Variants in PLPPR5 observed in about 807,000 individuals in gnomAD.
The protein encoded by PLPPR5 is phospholipid phosphatase related 5.
PLPPR5 carries 16 observed loss-of-function variants against 33.9 expected under a neutral mutation model. The ratio of observed to expected loss-of-function variants is 0.47; its 90% CI spans 0.32 to 0.72. The LOEUF is 0.72. PLPPR5 is among the 30% of genes least tolerant of loss of function. The pLI is 0.03. For missense variants in PLPPR5, 301 were observed against 406.7 expected (o/e 0.74, Z 2.23); for synonymous variants, 163 against 150.3 (o/e 1.08, Z -0.62).
At chr1:98,910,480 T>C (rs1195442662) in intron 5 of PLPPR5, among the ~76,000 whole-genome samples, 1 of 152,214 alleles carries the variant, frequency 6.6e-6, no homozygotes, top group Non-Finnish European at 1.5e-5. Context: ...TAAGTTTCTA[T>C]GGCATATTTC....
chr1:98,936,749 C>G (rs989633605), intron 3 of PLPPR5, among the ~76,000 whole-genome samples: 2 of 152,176 alleles, frequency 1.3e-5, no homozygotes, highest in Non-Finnish European at 2.9e-5. Context: ...TCAGAACAAT[C>G]GATCCTATGC....
Position 98,956,741 on chromosome 1 carries a change from T to C in PLPPR5, c.238A>G (p.Ile80Val), listed in dbSNP as rs1464786821. The change falls in exon 2 of 6, where the codon ATA becomes GTA. Residue 80 changes from isoleucine (I) to valine (V), a missense_variant and splice_region_variant. Coordinates refer to ENST00000263177, the MANE Select transcript of PLPPR5 (RefSeq NM_001037317.2). Reference sequence around the variant, plus strand: ...AAGACAGCAGTTTCTCCAACTATTATCTTGAAAGAAAATAAAAGATTAAGG... The same window carrying C: ...AAGACAGCAGTTTCTCCAACTATTACCTTGAAAGAAAATAAAAGATTAAGG... ...SLAAGVPVLV[I>V]IVGETAVFCL... 1 of 1,548,290 alleles carries C rather than the reference T, an allele frequency of 6.5e-7. No homozygotes were observed. The highest frequency in any genetic ancestry group is 2.3e-5 in the East Asian group (1 of 43,326).
At chr1:98,991,561 G>A (rs528298523) in intron 1 of PLPPR5, among the ~76,000 whole-genome samples, 4 of 152,168 alleles carry the variant, frequency 2.6e-5, no homozygotes, top group Admixed American at 6.6e-5. Context: ...AAGGGCTCAT[G>A]TCCATGTTAT....
chr1:98,895,299 CA>C (rs1648432193), intron 5 of PLPPR5, among the ~76,000 whole-genome samples: 1 of 151,980 alleles, frequency 6.6e-6, no homozygotes, highest in Admixed American at 6.6e-5. Context: ...TGTTATGGTG[CA>C]GCAAGAAGGC....
chr1:99,002,526 A>G (rs568553261), intron 1 of PLPPR5, among the ~76,000 whole-genome samples: 50 of 152,234 alleles, frequency 3.3e-4, no homozygotes, highest in African/African-American at 1.2e-3. Context: ...TATTAATTGG[A>G]GATAATATCT....
intron 1 of PLPPR5, among the ~76,000 whole-genome samples, chr1:98,957,402 A>C (rs1317018719): frequency 6.6e-6 from 1 of 151,822 alleles, no homozygotes; most frequent in Non-Finnish European, 1.5e-5. Flanking sequence ...TGTTTCCTAA[A>C]AGTCTTAATT....
At chr1:98,970,911 AG>A (rs1651634417) in intron 1 of PLPPR5, among the ~76,000 whole-genome samples, 1 of 152,132 alleles carries the variant, frequency 6.6e-6, no homozygotes, top group South Asian at 2.1e-4. Context: ...TATTTTAGGA[AG>A]AAAAGTTAAA....
At chr1:98,970,609 G>A (rs944660922) in intron 1 of PLPPR5, among the ~76,000 whole-genome samples, 2 of 151,710 alleles carry the variant, frequency 1.3e-5, no homozygotes. Context: ...AAGTACTGTT[G>A]TAAACATCTT....
chr1:98,922,002 T>C lies in PLPPR5; in HGVS notation c.678A>G (p.Leu226=), dbSNP rs1019608060. Residue 226 remains leucine, a synonymous_variant, in exon 4 of 6, where the codon CTA becomes CTG. Transcript: ENST00000263177. The part of the protein sequence containing the change: ...AKGTRLAKPV[L]CLGLMCLAFL... The stretch of plus-strand genomic sequence containing the variant: ...ATGCCAAACACATTAAGCCCAAGCA[T>C]AGAACTGGCTTAGCAAGTCTGGTTC... 2 of 1,613,776 alleles carry C rather than the reference T, an allele frequency of 1.2e-6. No homozygotes were observed. Among genetic ancestry groups the C allele is most frequent in the Non-Finnish European group, 1.7e-6 (2 of 1,179,958 alleles).
intron 1 of PLPPR5, among the ~76,000 whole-genome samples, chr1:98,992,544 G>T (rs1388034835): frequency 6.6e-6 from 1 of 152,064 alleles, no homozygotes; most frequent in Non-Finnish European, 1.5e-5. Flanking sequence ...AAAATGGGTA[G>T]ATTTTGGTTA....
At chr1:98,942,556 T>G (rs558404436) in intron 3 of PLPPR5, among the ~76,000 whole-genome samples, 1 of 152,288 alleles carries the variant, frequency 6.6e-6, no homozygotes, top group Non-Finnish European at 1.5e-5. Flanking sequence ...ACTGTGTCAT[T>G]GTGCTGTAAG....
At chr1:98,990,343 T>C (rs971609129) in intron 1 of PLPPR5, among the ~76,000 whole-genome samples, 3 of 152,184 alleles carry the variant, frequency 2.0e-5, no homozygotes, top group Non-Finnish European at 4.4e-5. Flanking sequence ...TACTTCCCCC[T>C]GGGTGACAGA....
chr1:98,961,973 G>A (rs1212281435), intron 1 of PLPPR5, among the ~76,000 whole-genome samples: 2 of 152,022 alleles, frequency 1.3e-5, no homozygotes, highest in Non-Finnish European at 2.9e-5. Context: ...ATTAAACAGT[G>A]ACATCTCAAC....
intron 3 of PLPPR5, among the ~76,000 whole-genome samples, chr1:98,944,526 G>A (rs1650487555): frequency 6.6e-6 from 1 of 152,230 alleles, no homozygotes; most frequent in African/African-American, 2.4e-5. Context: ...GTATGAACCA[G>A]AAAGCAGGCC....
At chr1:98,908,487 T>C (rs926305993) in intron 5 of PLPPR5, among the ~76,000 whole-genome samples, 1 of 152,168 alleles carries the variant, frequency 6.6e-6, no homozygotes, top group Non-Finnish European at 1.5e-5. Context: ...GGATAATTAA[T>C]ATAGTTTTTG....
chr1:98,957,023 C>T (rs955112523), intron 1 of PLPPR5, among the ~76,000 whole-genome samples: 1 of 151,854 alleles, frequency 6.6e-6, no homozygotes, highest in African/African-American at 2.4e-5. Flanking sequence ...ATGATGAGTT[C>T]ATGTCCTTTG....
At chr1:98,920,456 C>CAAAA (rs67392220) in intron 4 of PLPPR5, among the ~76,000 whole-genome samples, 1 of 94,098 alleles carries the variant, frequency 1.1e-5, no homozygotes, top group Non-Finnish European at 2.2e-5. Context: ...TGAGTCAATG[C>CAAAA]AAAAAAAAAA....
At chr1:98,994,063 G>A (rs915060229) in intron 1 of PLPPR5, among the ~76,000 whole-genome samples, 10 of 152,062 alleles carry the variant, frequency 6.6e-5, no homozygotes, top group Admixed American at 2.6e-4. Flanking sequence ...AGTGGTGGGG[G>A]CTGGGCTTTA....
rs895555887 is a variant in PLPPR5 at position 98,891,162 on chromosome 1, G to A, written c.*1910C>T. Reference sequence around the variant, plus strand: ...GTCAAGACATTCAAAGTTTCTTCATGTTCTAAATTTCCAACAGGACTGAAT... The same window carrying A: ...GTCAAGACATTCAAAGTTTCTTCATATTCTAAATTTCCAACAGGACTGAAT... On this transcript the variant is annotated 3_prime_UTR_variant, in exon 6 of 6. Coordinates refer to ENST00000263177, the MANE Select transcript of PLPPR5 (RefSeq NM_001037317.2). 1.3e-5 allele frequency: 2 copies of A among 152,040 alleles called. No individual in the cohort carries two copies. Among genetic ancestry groups the A allele is most frequent in the Non-Finnish European group, 2.9e-5 (2 of 68,002 alleles). 9.4% of individuals were successfully genotyped at this position (152,040 alleles called of 1,614,324 possible).
Sources: allele counts gnomAD v4.1 joint callset (sites outside exome capture counted in the v4.1 genomes callset), GRCh38; gene constraint gnomAD v4.1.1; transcripts MANE v1.5; gene names NCBI Gene and HGNC (gene_info 2026-07-23, HGNC 2026-07-21).